Variants in ANO2 observed in about 807,000 individuals in gnomAD.
ANO2 encodes anoctamin 2.
In ANO2, 101 loss-of-function variants were observed where a neutral mutation model predicts 124.2. The observed-to-expected ratio is 0.81, with a 90% confidence interval of 0.69 to 0.96. The LOEUF is 0.96. Ranked by LOEUF, ANO2 falls within the 40% of genes least tolerant of loss-of-function variation. The pLI is 0.00. For missense variants in ANO2, 1,293 were observed against 1,274.5 expected, an observed-to-expected ratio of 1.01 and a Z score of -0.22; for synonymous variants, 486 against 482.5, an observed-to-expected ratio of 1.01 and a Z score of -0.09.
intron 20 of ANO2, among the ~76,000 whole-genome samples, chr12:5,597,192 C>T (rs1310218511): frequency 6.6e-6 from 1 of 152,110 alleles, no homozygotes; most frequent in Non-Finnish European, 1.5e-5. Flanking sequence ...ATTATTTCAT[C>T]ACCCAGGTAT....
At chr12:5,883,015 G>A (rs1591737848) in intron 3 of ANO2, among the ~76,000 whole-genome samples, 1 of 152,142 alleles carries the variant, frequency 6.6e-6, no homozygotes, top group Admixed American at 6.5e-5. Context: ...CCCTGCCAGG[G>A]TTCCAAGTGA....
At chr12:5,693,806 T>C (rs1200298510) in intron 14 of ANO2, among the ~76,000 whole-genome samples, 1 of 152,128 alleles carries the variant, frequency 6.6e-6, no homozygotes, top group Non-Finnish European at 1.5e-5. Flanking sequence ...CCCGGATTCC[T>C]TTCCCCTCAC....
At position 5,592,088 on chromosome 12, in the gene ANO2, C is replaced by T. The variant is rs78737366; in HGVS notation, c.2233+7396G>A. Among the ~76,000 whole-genome samples the T allele has an allele frequency of 4.9e-3, 747 of 152,294 alleles. 7 individuals are homozygous for T. Among genetic ancestry groups the T allele is most frequent in the Non-Finnish European group, 7.0e-3 (475 of 68,018 alleles). ...GTCTTAGGAGACTAAAATTATTGCA[C>T]ATTAAAAATTACACAAATATGTCCA... On this transcript the variant is annotated intron_variant, in intron 20 of 24. Transcript: ENST00000682330.
At chr12:5,645,381 T>C (rs966700942) in intron 15 of ANO2, among the ~76,000 whole-genome samples, 8 of 151,934 alleles carry the variant, frequency 5.3e-5, no homozygotes, top group Non-Finnish European at 1.5e-5. Context: ...AGAATCAGAC[T>C]CCGTCTCAAG....
intron 14 of ANO2, among the ~76,000 whole-genome samples, chr12:5,663,430 G>A (rs940103530): frequency 1.3e-5 from 2 of 152,174 alleles, no homozygotes; most frequent in Admixed American, 1.3e-4. Context: ...CAGGGCCCAG[G>A]ACTAGGCCCT....
intron 16 of ANO2, among the ~76,000 whole-genome samples, chr12:5,624,572 G>T (rs1945300964): frequency 6.6e-6 from 1 of 152,140 alleles, no homozygotes; most frequent in South Asian, 2.1e-4. Flanking sequence ...TGTCTTCCCA[G>T]AGGAAAACAA....
At chr12:5,940,210 T>C (rs2136326207) in intron 1 of ANO2, among the ~76,000 whole-genome samples, 1 of 152,318 alleles carries the variant, frequency 6.6e-6, no homozygotes, top group South Asian at 2.1e-4. Flanking sequence ...GATGCTTGCC[T>C]TCCCGTTTGA....
intron 4 of ANO2, among the ~76,000 whole-genome samples, chr12:5,833,744 G>A (rs1192881604): frequency 7.6e-6 from 1 of 131,724 alleles, no homozygotes; most frequent in Non-Finnish European, 1.7e-5. Context: ...TAGGTTGCGT[G>A]TTATTTATGA....
At chr12:5,939,058 A>C (rs1942780496) in intron 1 of ANO2, among the ~76,000 whole-genome samples, 1 of 151,294 alleles carries the variant, frequency 6.6e-6, no homozygotes, top group Admixed American at 6.6e-5. Context: ...CTCTACTAAA[A>C]ATACAAAAAT....
intron 1 of ANO2, among the ~76,000 whole-genome samples, chr12:5,936,622 C>T (rs1012289581): frequency 1.3e-5 from 2 of 152,204 alleles, no homozygotes; most frequent in African/African-American, 2.4e-5. Flanking sequence ...GCTTTATAAA[C>T]AAGCCAGTCT....
In ANO2 at chr12:5,807,381, G is replaced by T; in HGVS notation, c.893-13C>A. ...AGAGAGTTAATACCTACGGAAGAAA[G>T]GGAGATGAAAATAGTAACTCTGGGG... is the stretch of plus-strand genomic sequence containing the variant. On this transcript the variant is annotated splice_polypyrimidine_tract_variant and intron_variant, in intron 7 of 24. Coordinates refer to ENST00000682330, the MANE Select transcript of ANO2 (RefSeq NM_001364791.2). 6.4e-7 allele frequency: 1 copy of T among 1,551,872 alleles called. No individual in the cohort carries two copies. The highest frequency in any genetic ancestry group is 8.7e-7 in the Non-Finnish European group (1 of 1,147,412).
At chr12:5,812,385 A>C (rs1297085204) in intron 7 of ANO2, among the ~76,000 whole-genome samples, 1 of 143,054 alleles carries the variant, frequency 7.0e-6, no homozygotes, top group Non-Finnish European at 1.5e-5. Flanking sequence ...GAAAGAAAGA[A>C]AGAAGGGAAG....
intron 10 of ANO2, among the ~76,000 whole-genome samples, chr12:5,782,472 G>A (rs541413844): frequency 7.2e-5 from 11 of 152,070 alleles, no homozygotes; most frequent in South Asian, 2.1e-4. Flanking sequence ...TACCTATCTC[G>A]CTATTTTATT....
At position 5,769,659 on chromosome 12, in the gene ANO2, G is replaced by A. The variant is rs1272433291; in HGVS notation, c.1056-18689C>T. Among the ~76,000 whole-genome samples the A allele has an allele frequency of 2.0e-5, 3 of 152,126 alleles. No homozygotes were observed. The highest frequency in any genetic ancestry group is 4.4e-5 in the Non-Finnish European group (3 of 68,036). ...GGTGGTGGATGGACCTCCATTAACA[G>A]CCACACCTCCCCATCCAGAAGGAGA... On this transcript the variant is annotated intron_variant, in intron 10 of 24. Coordinates refer to ENST00000682330, the MANE Select transcript of ANO2 (RefSeq NM_001364791.2). This position sits in a 1 kb window ranked among gnomAD's most constrained non-coding sequence, Gnocchi z 4.0.
At chr12:5,739,534 T>C in intron 12 of ANO2, 135 bp from the exon 13 acceptor site, 2 of 676,258 alleles carry the variant, frequency 3.0e-6, no homozygotes, top group South Asian at 3.9e-5. Context: ...TTAGCCTCTT[T>C]TTCCCACTTC....
rs200599779 is a variant in ANO2 at position 5,607,818 on chromosome 12, C to A, written c.2087+4838G>T. Among the ~76,000 whole-genome samples, 25 of 152,312 alleles carry A rather than the reference C, an allele frequency of 1.6e-4. 2 individuals are homozygous for A. In the East Asian group the frequency reaches 4.6e-3, roughly 28 times the overall value. On this transcript the variant is annotated intron_variant, in intron 19 of 24. Transcript: ENST00000682330. ...ATCTGTTACTGTCTCCCGTCACCCC[C>A]AGATGGGACTGTCTAGTTGCAGAAA...
chr12:5,792,084 C>T (rs954717017), intron 10 of ANO2, among the ~76,000 whole-genome samples: 14 of 152,178 alleles, frequency 9.2e-5, no homozygotes, highest in South Asian at 4.1e-4. Context: ...ATACTGTGGG[C>T]AGGTAGCACA....
rs1235565696 is a variant in ANO2 at position 5,893,510 on chromosome 12, C to CT, written c.534+27529dup. ...TTTTCTTTTTTTTTTTTTAATTATACTTTAAGTTCTGGGATACATGTGCAG... is the reference window on the plus strand; with the variant it reads ...TTTTCTTTTTTTTTTTTTAATTATACTTTTAAGTTCTGGGATACATGTGCAG... On this transcript the variant is annotated intron_variant, in intron 3 of 24. Coordinates refer to ENST00000682330, the MANE Select transcript of ANO2 (RefSeq NM_001364791.2). 1.3e-4 allele frequency among the ~76,000 whole-genome samples: 18 copies of CT among 136,264 alleles called. No homozygotes were observed. The South Asian group carries it at 4.0e-3, about 30-fold the overall frequency. The allele number at this position is 136,264 out of a possible 152,430, so 89.4% of individuals were successfully genotyped here.
Position 5,638,237 on chromosome 12 carries a change from C to CTTTTTTTTTTTTTTTTTTTTT in ANO2, c.1621-2891_1621-2890insAAAAAAAAAAAAAAAAAAAAA, listed in dbSNP as rs35224024. ...ATCTTCACTAGCACTGTTTCTTTTC[C>CTTTTTTTTTTTTTTTTTTTTT]TTTTTTTTTTTTTTTTGAGACGGAG... On this transcript the variant is annotated intron_variant, in intron 15 of 24. Transcript: ENST00000682330. 1.8e-4 allele frequency among the ~76,000 whole-genome samples: 22 copies of CTTTTTTTTTTTTTTTTTTTTT among 124,848 alleles called. 1 individual carries two copies. The highest frequency in any genetic ancestry group is 3.0e-4 in the Non-Finnish European group (18 of 59,264). 81.9% of individuals were successfully genotyped at this position (124,848 alleles called of 152,430 possible).
Sources: gnomAD v4.1 joint callset for allele counts (sites outside exome capture counted in the v4.1 genomes callset) on GRCh38, gnomAD v4.1.1 for gene constraint, Gnocchi (gnomAD v3.1) non-coding constraint, MANE v1.5 for transcripts, NCBI Gene and HGNC (gene_info 2026-07-23, HGNC 2026-07-21) for gene names.